PFKL: variants seen among roughly 807,000 people sequenced by gnomAD.
PFKL encodes the protein ATP-dependent 6-phosphofructokinase, liver type.
Under a neutral mutation model 92.1 loss-of-function variants are expected in PFKL, and 74 were observed. That is an observed-to-expected ratio of 0.80 (90% CI 0.67 to 0.97). The LOEUF is 0.97. Ranked by LOEUF, PFKL falls within the 50% of genes least tolerant of loss-of-function variation. PFKL has a pLI of 0.00. For synonymous variants in PFKL, 494 were observed against 456.4 expected (o/e 1.08, Z -1.05); for missense variants, 1,028 against 1,116.6 (o/e 0.92, Z 1.13).
intron 1 of PFKL, among the ~76,000 whole-genome samples, chr21:44,306,112 G>GCTTTCCTCAGTGCCCAGAGGTGCT (rs146358238): frequency 1.3e-5 from 2 of 152,218 alleles, no homozygotes; most frequent in Non-Finnish European, 2.9e-5. Flanking sequence ...CCACGCCGCA[G>GCTTTCCTCAGTGCCCAGAGGTGCT]CCTGAATGTC....
In PFKL at chr21:44,313,689, A is replaced by G. The variant is rs763519225; in HGVS notation, c.638+7A>G. The stretch of plus-strand genomic sequence containing the variant: ...TGATGGGCCGGCACTGCGGGTGAGG[A>G]GGGGCTTCCTGGCCCGCTGGGTGGC... On this transcript the variant is annotated splice_region_variant and intron_variant, in intron 6 of 21. Coordinates refer to ENST00000349048, the MANE Select transcript of PFKL (RefSeq NM_002626.6). 6 of 1,610,770 alleles carry G rather than the reference A, an allele frequency of 3.7e-6. No homozygotes were observed. In the Admixed American group the frequency reaches 8.4e-5, roughly 22 times the overall value.
intron 9 of PFKL, among the ~76,000 whole-genome samples, chr21:44,318,198 C>T (rs1400468783): frequency 2.6e-5 from 4 of 152,206 alleles, no homozygotes; most frequent in Admixed American, 2.0e-4. Flanking sequence ...TGGCAGCGAG[C>T]GACGGTGGGT....
intron 19 of PFKL, 58 bp downstream of exon 19, chr21:44,325,322 C>A: frequency 1.6e-6 from 2 of 1,233,210 alleles, no homozygotes; most frequent in Non-Finnish European, 2.4e-6. Flanking sequence ...CACCATCTGT[C>A]CCCGGCCCCA....
chr21:44,302,846 T>G (rs1182204492), intron 1 of PFKL, among the ~76,000 whole-genome samples: 1 of 152,184 alleles, frequency 6.6e-6, no homozygotes, highest in African/African-American at 2.4e-5. Flanking sequence ...GGGTCACGCC[T>G]TTCCTGTTGG....
In PFKL at chr21:44,319,694, G is replaced by A. The variant is rs932380503; in HGVS notation, c.1127+279G>A. ...CTGTGGATACAAGCCCAGGACATGG[G>A]GTGGCCCCGCGGGGGCTGGGAAGGC... On this transcript the variant is annotated intron_variant, in intron 11 of 21. Coordinates refer to ENST00000349048, the MANE Select transcript of PFKL (RefSeq NM_002626.6). 7.2e-6 allele frequency: 4 copies of A among 553,534 alleles called. No individual in the cohort carries two copies. The Admixed American group carries it at 9.8e-5, about 14-fold the overall frequency. The allele number at this position is 553,534 out of a possible 1,614,324, so 34.3% of individuals were successfully genotyped here. A position where few individuals can be genotyped will look rare whatever the true frequency, so the allele number is the denominator to read the frequency against.
At chr21:44,323,594 G>A (rs2047415996) in intron 15 of PFKL, among the ~76,000 whole-genome samples, 172 bp from the exon 16 acceptor site, 1 of 152,118 alleles carries the variant, frequency 6.6e-6, no homozygotes, top group Non-Finnish European at 1.5e-5. Flanking sequence ...GATGACACCA[G>A]GCTGACTGCC....
chr21:44,300,316 T>G, intron 1 of PFKL, 126 bp downstream of exon 1: 1 of 286,226 alleles, frequency 3.5e-6, no homozygotes, highest in Non-Finnish European at 5.4e-6. Context: ...CGCCCCGGCC[T>G]CCCGCCCCGG....
intron 9 of PFKL, among the ~76,000 whole-genome samples, chr21:44,317,958 G>A (rs1412726586): frequency 1.3e-5 from 2 of 152,264 alleles, no homozygotes; most frequent in African/African-American, 4.8e-5. Flanking sequence ...CACGGCAACC[G>A]CAGGCCTGGC....
chr21:44,304,580 GA>G, intron 1 of PFKL: 1 of 1,081,284 alleles, frequency 9.2e-7, no homozygotes, highest in Non-Finnish European at 1.1e-6. Context: ...GAGGGTGGGG[GA>G]CAGGGCGCTG....
At chr21:44,306,572 A>T in intron 1 of PFKL, 109 bp from the exon 2 acceptor site, 3 of 873,240 alleles carry the variant, frequency 3.4e-6, no homozygotes, top group Non-Finnish European at 3.6e-6. Context: ...GCCCTCTGAG[A>T]TGGACAGGGT....
chr21:44,319,035 G>A (rs566921924), intron 10 of PFKL, among the ~76,000 whole-genome samples: 39 of 152,218 alleles, frequency 2.6e-4, no homozygotes, highest in African/African-American at 7.7e-4. Flanking sequence ...CGAGGGGGCC[G>A]GGTGTGGGGG....
At chr21:44,312,414 G>C (rs2047074615) in intron 4 of PFKL, 120 bp downstream of exon 4, 1 of 946,108 alleles carries the variant, frequency 1.1e-6, no homozygotes, top group South Asian at 1.8e-5. Flanking sequence ...CAGAGGAGGG[G>C]CTGTCTGGCC....
intron 1 of PFKL, among the ~76,000 whole-genome samples, chr21:44,304,794 G>T (rs373489398): frequency 6.8e-6 from 1 of 147,078 alleles, no homozygotes; most frequent in African/African-American, 2.5e-5. Context: ...TGTCTGTCTG[G>T]GGGGCTTGGC....
intron 1 of PFKL, chr21:44,305,320 T>C: frequency 8.1e-6 from 11 of 1,365,572 alleles, no homozygotes; most frequent in Non-Finnish European, 1.1e-5. Flanking sequence ...GGAGAGCGGA[T>C]GAGAAGCATG....
chr21:44,312,321 G>A (rs200874043), intron 4 of PFKL, 27 bp downstream of exon 4: 401 of 1,538,534 alleles, frequency 2.6e-4, no homozygotes, highest in Middle Eastern at 4.2e-4. Context: ...CGCACTGTAG[G>A]CCCTGGGGTT....
chr21:44,312,870 G>A lies in PFKL; in HGVS notation c.428-108G>A, dbSNP rs553294633. 181 of 1,242,096 alleles carry A rather than the reference G, an allele frequency of 1.5e-4. No individual in the cohort carries two copies. In the Middle Eastern group the frequency reaches 9.0e-3, roughly 62 times the overall value. The allele number at this position is 1,242,096 out of a possible 1,614,324, so 76.9% of individuals were successfully genotyped here. On this transcript the variant is annotated intron_variant, in intron 4 of 21. Transcript: ENST00000349048. ...AGCCTGGAACTCCGGGGCCCCTGCC[G>A]GGCTGCACGCCTGGGATGCGGGGGA... is the stretch of plus-strand genomic sequence containing the variant.
chr21:44,321,721 C>T lies in PFKL; in HGVS notation c.1192-8C>T, dbSNP rs2047359397. The T allele has an allele frequency of 6.4e-7, 1 of 1,553,044 alleles. No homozygotes were observed. The highest frequency in any genetic ancestry group is 8.7e-7 in the Non-Finnish European group (1 of 1,148,870). ...GTGCCTCACGCTCATCTCCCCTTCT[C>T]TCTGAAGTCTAACTTCTCCCTGGCC... On this transcript the variant is annotated splice_region_variant and splice_polypyrimidine_tract_variant and intron_variant, in intron 12 of 21. Coordinates refer to ENST00000349048, the MANE Select transcript of PFKL (RefSeq NM_002626.6).
At chr21:44,306,621 A>G (rs55966702) in intron 1 of PFKL, 60 bp from the exon 2 acceptor site, 458,038 of 1,397,710 alleles carry the variant, frequency 0.33, 82,641 homozygotes, top group East Asian at 0.61. Flanking sequence ...TGAGATGGGG[A>G]GGGTGTCCAG....
chr21:44,316,519 A>C lies in PFKL; in HGVS notation c.931A>C (p.Ile311Leu). Residue 311 changes from isoleucine (I) to leucine (L), a missense_variant, in exon 9 of 22, where the codon ATC (isoleucine) becomes CTC (leucine). Coordinates refer to ENST00000349048, the MANE Select transcript of PFKL (RefSeq NM_002626.6). ...AGGGACGCCCTCTGCCTTCGACCGGATCCTGGTAAGTGGCCATCACCCTGC... is the reference window on the plus strand; with the variant it reads ...AGGGACGCCCTCTGCCTTCGACCGGCTCCTGGTAAGTGGCCATCACCCTGC... ...RGGTPSAFDR[I>L]LSSKMGMEAV... 6.3e-7 allele frequency: 1 copy of C among 1,593,532 alleles called. No homozygotes were observed. Among genetic ancestry groups the C allele is most frequent in the South Asian group, 1.1e-5 (1 of 88,794 alleles).
Sources: allele counts gnomAD v4.1 joint callset (sites outside exome capture counted in the v4.1 genomes callset), GRCh38; gene constraint gnomAD v4.1.1; transcripts MANE v1.5; gene names NCBI Gene and HGNC (gene_info 2026-07-23, HGNC 2026-07-21).